The following PPP4R3B variants were observed in gnomAD, a reference collection of about 807,000 sequenced individuals.
PPP4R3B encodes the protein protein phosphatase 4 regulatory subunit 3B.
In PPP4R3B, 52 loss-of-function variants were observed where a neutral mutation model predicts 95.4. That is an observed-to-expected ratio of 0.54 (90% CI 0.44 to 0.69). The LOEUF is 0.69. PPP4R3B is among the 30% of genes least tolerant of loss of function. The pLI, the probability that PPP4R3B is intolerant of heterozygous loss-of-function variation, is 0.00. For missense variants in PPP4R3B, 1,003 were observed against 1,005.9 expected (o/e 1.00, Z 0.04); for synonymous variants, 407 against 343.9 (o/e 1.18, Z -2.03).
At chr2:55,571,857 G>A (rs868166108) in intron 12 of PPP4R3B, among the ~76,000 whole-genome samples, 10 of 152,202 alleles carry the variant, frequency 6.6e-5, no homozygotes, top group Admixed American at 1.3e-4. Context: ...GACCTCAGGT[G>A]ATCCACCCGC....
At chr2:55,596,236 G>A (rs748106161) in intron 4 of PPP4R3B, among the ~76,000 whole-genome samples, 1 of 152,120 alleles carries the variant, frequency 6.6e-6, no homozygotes, top group Admixed American at 6.5e-5. Flanking sequence ...CTTTGAGGCC[G>A]AAGCAAATCT....
chr2:55,582,889 G>C (rs779443958), intron 7 of PPP4R3B, among the ~76,000 whole-genome samples: 3 of 152,094 alleles, frequency 2.0e-5, no homozygotes, highest in Non-Finnish European at 2.9e-5. Flanking sequence ...AAGTTTTACT[G>C]AATGTTTCAA....
intron 3 of PPP4R3B, among the ~76,000 whole-genome samples, chr2:55,600,399 C>T (rs555538170): frequency 3.7e-4 from 42 of 114,198 alleles, no homozygotes; most frequent in African/African-American, 1.4e-3. Flanking sequence ...GCACTCTTGC[C>T]TGGGCAACGA....
chr2:55,615,870 A>AC (rs933010354), intron 1 of PPP4R3B, among the ~76,000 whole-genome samples: 1 of 148,532 alleles, frequency 6.7e-6, no homozygotes, highest in African/African-American at 2.5e-5. Flanking sequence ...AAAAAAAAAA[A>AC]AAAAAAAAAA....
intron 2 of PPP4R3B, among the ~76,000 whole-genome samples, chr2:55,610,359 C>T (rs942748339): frequency 1.3e-5 from 2 of 152,126 alleles, no homozygotes; most frequent in Admixed American, 6.5e-5. Context: ...TAGGCCCCTA[C>T]TCAAGAACCT....
At chr2:55,583,207 T>C (rs549008841) in intron 7 of PPP4R3B, among the ~76,000 whole-genome samples, 2 of 152,222 alleles carry the variant, frequency 1.3e-5, no homozygotes, top group East Asian at 1.9e-4. Flanking sequence ...ACCAGCCCAG[T>C]ATGGAATTCA....
intron 4 of PPP4R3B, among the ~76,000 whole-genome samples, chr2:55,589,915 CAA>C (rs778982130): frequency 1.5e-4 from 12 of 82,028 alleles, no homozygotes; most frequent in African/African-American, 3.1e-4. Flanking sequence ...GACTCCATCT[CAA>C]AAAAAAAAAA....
intron 4 of PPP4R3B, among the ~76,000 whole-genome samples, chr2:55,594,602 T>C (rs1389437091): frequency 1.3e-5 from 2 of 152,202 alleles, no homozygotes; most frequent in Non-Finnish European, 2.9e-5. Flanking sequence ...CTAGTATGAA[T>C]TTGGAAACCC....
At chr2:55,615,256 T>A (rs1230316448) in intron 2 of PPP4R3B, 195 bp downstream of exon 2, 2 of 537,588 alleles carry the variant, frequency 3.7e-6, no homozygotes, top group Non-Finnish European at 3.3e-6. Flanking sequence ...AGTGGCTCAA[T>A]CCAAAAATGA....
chr2:55,573,770 A>G lies in PPP4R3B; in HGVS notation c.1614T>C (p.Tyr538=). 2 of 1,505,682 alleles carry G rather than the reference A, an allele frequency of 1.3e-6. No homozygotes were observed. Among genetic ancestry groups the G allele is most frequent in the East Asian group, 5.1e-5 (2 of 39,444 alleles). 93.3% of individuals were successfully genotyped at this position (1,505,682 alleles called of 1,614,324 possible). A position where few individuals can be genotyped will look rare whatever the true frequency, so the allele number is the denominator to read the frequency against. Residue 538 remains tyrosine, a synonymous_variant, in exon 12 of 17, where the codon TAT becomes TAC. Transcript: ENST00000616407. ...TTAAGGCAAGTAGCTGTGCTGTTTG[A>G]TAATTATCTACAAAAGAAAGTAATC... is the stretch of plus-strand genomic sequence containing the variant. ...NKNNTICPDN[Y]QTAQLLALIL...
At chr2:55,571,123 A>G (rs2104030688) in intron 12 of PPP4R3B, among the ~76,000 whole-genome samples, 1 of 152,288 alleles carries the variant, frequency 6.6e-6, no homozygotes, top group Middle Eastern at 3.4e-3. Flanking sequence ...AGCCTGGCCA[A>G]CATGGTGAAA....
chr2:55,608,026 T>C (rs1004133140), intron 2 of PPP4R3B, among the ~76,000 whole-genome samples: 1 of 152,164 alleles, frequency 6.6e-6, no homozygotes, highest in Admixed American at 6.5e-5. Flanking sequence ...TTTTTTTTGA[T>C]ACAGAGTCTC....
intron 5 of PPP4R3B, among the ~76,000 whole-genome samples, chr2:55,588,501 G>A (rs569057914): frequency 7.7e-4 from 106 of 137,566 alleles, no homozygotes; most frequent in East Asian, 5.6e-3. Context: ...CAACAAGAGC[G>A]AAACTCCATC....
chr2:55,579,584 C>T, intron 9 of PPP4R3B, 95 bp downstream of exon 9: 1 of 738,680 alleles, frequency 1.4e-6, no homozygotes, highest in African/African-American at 1.8e-5. Context: ...ATCTCCCTGT[C>T]TTATAAAGTC....
intron 16 of PPP4R3B, among the ~76,000 whole-genome samples, chr2:55,553,863 T>C (rs1040141844): frequency 6.6e-6 from 1 of 152,294 alleles, no homozygotes; most frequent in African/African-American, 2.4e-5. Flanking sequence ...TGAGAGACAT[T>C]TGGGTTATTC....
intron 12 of PPP4R3B, among the ~76,000 whole-genome samples, chr2:55,569,588 T>G (rs1221492638): frequency 6.6e-6 from 1 of 152,122 alleles, no homozygotes; most frequent in Non-Finnish European, 1.5e-5. Flanking sequence ...CTTTCTCCTC[T>G]CTCTGCCTCG....
At chr2:55,595,450 A>T (rs2104411891) in intron 4 of PPP4R3B, among the ~76,000 whole-genome samples, 1 of 152,146 alleles carries the variant, frequency 6.6e-6, no homozygotes, top group East Asian at 1.9e-4. Flanking sequence ...ACACAGTGAG[A>T]TCCTGTCTCT....
At chr2:55,557,374 G>A (rs1399724864) in intron 16 of PPP4R3B, among the ~76,000 whole-genome samples, 1 of 152,026 alleles carries the variant, frequency 6.6e-6, no homozygotes, top group African/African-American at 2.4e-5. Context: ...AATACTTTTT[G>A]TAGAGATGGG....
intron 16 of PPP4R3B, among the ~76,000 whole-genome samples, chr2:55,555,677 C>A (rs987924222): frequency 6.6e-6 from 1 of 152,142 alleles, no homozygotes; most frequent in African/African-American, 2.4e-5. Context: ...TCACATATTG[C>A]AGCAATGATT....
Sources: allele counts gnomAD v4.1 joint callset (sites outside exome capture counted in the v4.1 genomes callset), GRCh38; gene constraint gnomAD v4.1.1; transcripts MANE v1.5; gene names NCBI Gene and HGNC (gene_info 2026-07-23, HGNC 2026-07-21).